Variants in SPEN observed in about 807,000 individuals in gnomAD.
SPEN encodes spen family transcriptional repressor.
Under a neutral mutation model 269.9 loss-of-function variants are expected in SPEN, and 18 were observed. The ratio of observed to expected loss-of-function variants is 0.07; its 90% confidence interval spans 0.05 to 0.10. SPEN has a LOEUF of 0.10. Ranked by LOEUF, SPEN falls within the 10% of genes least tolerant of loss-of-function variation. The pLI is 1.00. For synonymous variants in SPEN, 1,726 were observed against 1,765.7 expected (o/e 0.98, Z 0.56); for missense variants, 3,822 against 4,631.2 (o/e 0.83, Z 5.07).
At position 15,939,260 on chromosome 1, in the gene SPEN, C is replaced by T. The variant is rs2071311897; in HGVS notation, c.10864-36C>T. On this transcript the variant is annotated intron_variant, in intron 14 of 14. Transcript: ENST00000375759. This position sits in a 1 kb window ranked among gnomAD's most constrained non-coding sequence, Gnocchi z 4.1. ...GGAAGTGGAGTTGTGGGGGTGAAGA[C>T]AGACGGTCCCACTTTGCTCTCTATC... 2 of 1,521,848 alleles carry T rather than the reference C, an allele frequency of 1.3e-6. No homozygotes were observed. Among genetic ancestry groups the T allele is most frequent in the Non-Finnish European group, 1.8e-6 (2 of 1,130,468 alleles). The allele number at this position is 1,521,848 out of a possible 1,614,324, so 94.3% of individuals were successfully genotyped here. A position where few individuals can be genotyped will look rare whatever the true frequency, so the allele number is the denominator to read the frequency against.
rs1033261952 is a variant in SPEN, at chr1:15,884,741, T to C, written c.881+8063T>C. On this transcript the variant is annotated intron_variant, in intron 3 of 14. Transcript: ENST00000375759. ...TCCTTTTGTTTTTCTTTTTCTTTCTTTTTTTTTTTTAAAGGCAGAGTCTTA... is the reference window on the plus strand; with the variant it reads ...TCCTTTTGTTTTTCTTTTTCTTTCTCTTTTTTTTTTAAAGGCAGAGTCTTA... 1.6e-3 allele frequency among the ~76,000 whole-genome samples: 4 copies of C among 2,458 alleles called. No individual in the cohort carries two copies. In the African/African-American group the frequency reaches 0.025, roughly 16 times the overall value. 1.6% of individuals were successfully genotyped at this position (2,458 alleles called of 152,430 possible). A position where few individuals can be genotyped will look rare whatever the true frequency, so the allele number is the denominator to read the frequency against.
At chr1:15,871,154 A>G (rs1169977102) in intron 1 of SPEN, among the ~76,000 whole-genome samples, 1 of 151,934 alleles carries the variant, frequency 6.6e-6, no homozygotes, top group Non-Finnish European at 1.5e-5. Context: ...TTTTTAGTAG[A>G]GGTGGGGTTT....
chr1:15,858,906 C>T (rs1000399015), intron 1 of SPEN, among the ~76,000 whole-genome samples: 2 of 152,200 alleles, frequency 1.3e-5, no homozygotes, highest in South Asian at 2.1e-4. Flanking sequence ...ACTGCGCTGC[C>T]GCACTCTACC....
At position 15,932,601 on chromosome 1, in the gene SPEN, C is replaced by G. The variant is rs1419976566; in HGVS notation, c.6361C>G (p.Pro2121Ala). The stretch of plus-strand genomic sequence containing the variant: ...GGAATCTGGGGTGGTGGCAGTCTCC[C>G]CTGAGAAAAGTGAGAGTCCCCAAAA... ...ERESGVVAVS[P>A]EKSESPQKED... Residue 2121 changes from proline to alanine, a missense_variant, in exon 11 of 15, where the codon CCT becomes GCT. Pro to Ala is a conservative substitution (Grantham distance 27). Transcript: ENST00000375759. This position sits in a 1 kb window ranked among gnomAD's most constrained non-coding sequence, Gnocchi z 4.2. The G allele has an allele frequency of 6.2e-7, 1 of 1,606,706 alleles. No homozygotes were observed. Among genetic ancestry groups the G allele is most frequent in the Admixed American group, 1.7e-5 (1 of 59,526 alleles).
chr1:15,939,528 G>A lies in SPEN; in HGVS notation c.*101G>A. The A allele has an allele frequency of 1.4e-6, 2 of 1,384,358 alleles. No individual in the cohort carries two copies. Among genetic ancestry groups the A allele is most frequent in the Non-Finnish European group, 1.9e-6 (2 of 1,045,564 alleles). The allele number at this position is 1,384,358 out of a possible 1,614,324, so 85.8% of individuals were successfully genotyped here. A position where few individuals can be genotyped will look rare whatever the true frequency, so the allele number is the denominator to read the frequency against. On this transcript the variant is annotated 3_prime_UTR_variant, in exon 15 of 15. Coordinates refer to ENST00000375759, the MANE Select transcript of SPEN (RefSeq NM_015001.3). This position sits in a 1 kb window ranked among gnomAD's most constrained non-coding sequence, Gnocchi z 4.1. ...GAGGAAGAAGCTGCCGAAGGGGACA[G>A]ACTCCACTGCCAGACGGCCAGCCGT...
chr1:15,911,944 G>A (rs1022547475), intron 5 of SPEN, among the ~76,000 whole-genome samples: 1 of 152,234 alleles, frequency 6.6e-6, no homozygotes, highest in Non-Finnish European at 1.5e-5. Flanking sequence ...CTGGGCAACA[G>A]AGCAAGACTG....
At chr1:15,880,232 T>A (rs1157133973) in intron 3 of SPEN, among the ~76,000 whole-genome samples, 4 of 151,960 alleles carry the variant, frequency 2.6e-5, no homozygotes, top group African/African-American at 9.7e-5. Context: ...TCTGTGTAGA[T>A]TCTTCCTTTT....
Position 15,937,918 on chromosome 1 carries a change from C to G in SPEN, c.10616C>G (p.Pro3539Arg). The change falls in exon 13 of 15, where the codon CCC (proline) becomes CGC (arginine). Residue 3539 changes from proline to arginine, a missense_variant. By Grantham distance (103) the Pro-to-Arg change is moderately radical. Transcript: ENST00000375759. This position sits in a 1 kb window ranked among gnomAD's most constrained non-coding sequence, Gnocchi z 5.7. ...AACGTCCTGGCCCATCGGTCCCTGC[C>G]CCTTTCTGAAGGAGGGCCCCCACTA... is the stretch of plus-strand genomic sequence containing the variant. ...GNNVLAHRSL[P>R]LSEGGPPLRI... 6.2e-7 allele frequency: 1 copy of G among 1,614,210 alleles called. No individual in the cohort carries two copies. The highest frequency in any genetic ancestry group is 8.5e-7 in the Non-Finnish European group (1 of 1,180,036).
At chr1:15,853,409 AC>A (rs1177060173) in intron 1 of SPEN, among the ~76,000 whole-genome samples, 1 of 149,376 alleles carries the variant, frequency 6.7e-6, no homozygotes, top group Non-Finnish European at 1.5e-5. Flanking sequence ...CTGGTCTTGA[AC>A]TCCTGACCTC....
In SPEN at chr1:15,929,579, C is replaced by G. The variant is rs2071201526; in HGVS notation, c.3339C>G (p.Leu1113=). The change falls in exon 11 of 15, where the codon CTC becomes CTG. Residue 1113 remains leucine, a synonymous_variant. Transcript: ENST00000375759. This position sits in a 1 kb window ranked among gnomAD's most constrained non-coding sequence, Gnocchi z 5.8. The stretch of plus-strand genomic sequence containing the variant: ...AGCCCATTCCCTCAAAACCACAGCT[C>G]AAACAGCTGCAGGTATTAGATGATC... ...SKKPIPSKPQ[L]KQLQVLDDQG... 3.1e-6 allele frequency: 5 copies of G among 1,613,996 alleles called. No homozygotes were observed. Among genetic ancestry groups the G allele is most frequent in the Non-Finnish European group, 4.2e-6 (5 of 1,179,968 alleles).
intron 3 of SPEN, among the ~76,000 whole-genome samples, chr1:15,879,887 G>A (rs2070670303): frequency 6.6e-6 from 1 of 152,034 alleles, no homozygotes; most frequent in African/African-American, 2.4e-5. Context: ...AGCCAGGATG[G>A]TCTTGATCTC....
In SPEN at chr1:15,876,640, T is replaced by G. The variant is rs1009400893; in HGVS notation, c.843T>G (p.Ser281Arg). Reference sequence around the variant, plus strand: ...GCTCTAGAAGTAGATCCTCCAGTAGTGATTCAATCAGCAGCAGCAGTAGTA... The same window carrying G: ...GCTCTAGAAGTAGATCCTCCAGTAGGGATTCAATCAGCAGCAGCAGTAGTA... ...GSGSRSRSSS[S>R]DSISSSSSTS... Residue 281 changes from serine to arginine, a missense_variant, in exon 3 of 15, where the codon AGT becomes AGG. Physicochemically the swap from Ser to Arg is moderately radical, Grantham distance 110. Coordinates refer to ENST00000375759, the MANE Select transcript of SPEN (RefSeq NM_015001.3). 3.7e-6 allele frequency: 6 copies of G among 1,613,442 alleles called. No homozygotes were observed. Among genetic ancestry groups the G allele is most frequent in the Non-Finnish European group, 4.2e-6 (5 of 1,179,818 alleles).
chr1:15,894,535 T>TG (rs1491515779), intron 3 of SPEN, among the ~76,000 whole-genome samples: 298 of 141,636 alleles, frequency 2.1e-3, no homozygotes, highest in African/African-American at 7.2e-3. Context: ...ATATTATGGT[T>TG]GTTTTTTTTT....
intron 1 of SPEN, among the ~76,000 whole-genome samples, chr1:15,868,142 T>C (rs543252702): frequency 5.0e-4 from 75 of 149,228 alleles, no homozygotes; most frequent in African/African-American, 1.8e-3. Context: ...CCCAGCTAAT[T>C]AAAAAAAAAA....
intron 5 of SPEN, among the ~76,000 whole-genome samples, chr1:15,914,261 T>G (rs2071036461): frequency 6.6e-6 from 1 of 152,196 alleles, no homozygotes; most frequent in South Asian, 2.1e-4. Context: ...TAACTCAAGG[T>G]CCCTGAAATT....
intron 3 of SPEN, among the ~76,000 whole-genome samples, chr1:15,879,730 G>C (rs976337537): frequency 6.6e-6 from 1 of 151,628 alleles, no homozygotes; most frequent in African/African-American, 2.4e-5. Context: ...GAATGCAGTG[G>C]CACGATCTCG....
intron 3 of SPEN, among the ~76,000 whole-genome samples, chr1:15,897,378 TTG>T (rs2070852642): frequency 6.6e-6 from 1 of 151,614 alleles, no homozygotes; most frequent in African/African-American, 2.4e-5. Flanking sequence ...TTTTTTTTTT[TTG>T]AGACGGAGTT....
At chr1:15,875,846 T>G (rs1045272066) in intron 2 of SPEN, among the ~76,000 whole-genome samples, 1 of 152,144 alleles carries the variant, frequency 6.6e-6, no homozygotes, top group Non-Finnish European at 1.5e-5. Flanking sequence ...CAGATGAAAG[T>G]GTAAAAACTT....
chr1:15,915,301 A>G (rs757325261), intron 5 of SPEN, among the ~76,000 whole-genome samples: 1 of 152,062 alleles, frequency 6.6e-6, no homozygotes, highest in Non-Finnish European at 1.5e-5. Context: ...GCTTGAGCCC[A>G]GAGACCAGCC....
Sources: allele counts gnomAD v4.1 joint callset (sites outside exome capture counted in the v4.1 genomes callset), GRCh38; gene constraint gnomAD v4.1.1; non-coding constraint Gnocchi (gnomAD v3.1); transcripts MANE v1.5; gene names NCBI Gene and HGNC (gene_info 2026-07-23, HGNC 2026-07-21).